RAB10: variants seen among roughly 807,000 people sequenced by gnomAD.
The protein encoded by RAB10 is ras-related protein Rab-10.
In RAB10, 5 loss-of-function variants were observed where a neutral mutation model predicts 25.7. That is an observed-to-expected ratio of 0.19 (90% CI 0.10 to 0.41). RAB10 has a LOEUF of 0.41. Ranked by LOEUF, RAB10 falls within the 10% of genes least tolerant of loss-of-function variation. The pLI is 1.00. For synonymous variants in RAB10, 89 were observed against 86.4 expected, an observed-to-expected ratio of 1.03 and a Z score of -0.16; for missense variants, 103 against 245.8, an observed-to-expected ratio of 0.42 and a Z score of 3.89.
intron 1 of RAB10, among the ~76,000 whole-genome samples, chr2:26,038,214 G>T (rs1330675405): frequency 9.2e-4 from 118 of 128,308 alleles, no homozygotes; most frequent in African/African-American, 2.8e-3. Flanking sequence ...TTTTTTTTTT[G>T]AGATGGATTT....
intron 1 of RAB10, among the ~76,000 whole-genome samples, chr2:26,083,484 C>A (rs985952881): frequency 3.8e-5 from 5 of 133,046 alleles, no homozygotes; most frequent in Non-Finnish European, 6.2e-5. Flanking sequence ...CCTGTACTTT[C>A]CTTTTGTCTC....
At chr2:26,082,798 A>G (rs776330988) in intron 1 of RAB10, among the ~76,000 whole-genome samples, 1 of 152,196 alleles carries the variant, frequency 6.6e-6, no homozygotes, top group African/African-American at 2.4e-5. Flanking sequence ...GATATGACCT[A>G]TCCCTAATGA....
At chr2:26,104,670 C>T (rs1574553986) in intron 2 of RAB10, among the ~76,000 whole-genome samples, 1 of 151,246 alleles carries the variant, frequency 6.6e-6, no homozygotes, top group Admixed American at 6.6e-5. Context: ...AAGATGACCC[C>T]TATGTTTTCT....
At chr2:26,089,069 G>A (rs1435229665) in intron 1 of RAB10, among the ~76,000 whole-genome samples, 1 of 152,148 alleles carries the variant, frequency 6.6e-6, no homozygotes, top group East Asian at 1.9e-4. Context: ...GAGAAAAACT[G>A]GAGGGAATAA....
At chr2:26,058,342 C>T (rs1188093320) in intron 1 of RAB10, among the ~76,000 whole-genome samples, 2 of 152,154 alleles carry the variant, frequency 1.3e-5, no homozygotes, top group Admixed American at 6.5e-5. Flanking sequence ...TCTTCTACTC[C>T]TCTGCTTAGA....
At chr2:26,132,651 T>G (rs1159194648) in intron 5 of RAB10, among the ~76,000 whole-genome samples, 1 of 152,206 alleles carries the variant, frequency 6.6e-6, no homozygotes, top group Non-Finnish European at 1.5e-5. Flanking sequence ...TTATTGGCCT[T>G]TTCTTATTCT....
chr2:26,039,631 G>A (rs1489975614), intron 1 of RAB10, among the ~76,000 whole-genome samples: 1 of 152,050 alleles, frequency 6.6e-6, no homozygotes, highest in African/African-American at 2.4e-5. Flanking sequence ...TTACAGACGT[G>A]AGCCACCACA....
chr2:26,099,777 C>A (rs57645880), intron 2 of RAB10, among the ~76,000 whole-genome samples: 3 of 151,942 alleles, frequency 2.0e-5, no homozygotes, highest in African/African-American at 7.2e-5. Context: ...CTCCTGACCT[C>A]GTGATCCGCC....
In RAB10 at chr2:26,131,379, A is replaced by G. The variant is rs147426798; in HGVS notation, c.519+3428A>G. ...GCTGCAGGTTGGACAAACTTGGTCTAGAGTTTTCCCCAAGTAAGCAGGCCC... is the reference window on the plus strand; with the variant it reads ...GCTGCAGGTTGGACAAACTTGGTCTGGAGTTTTCCCCAAGTAAGCAGGCCC... On this transcript the variant is annotated intron_variant, in intron 5 of 5. Transcript: ENST00000264710. Among the ~76,000 whole-genome samples the G allele has an allele frequency of 2.1e-3, 321 of 152,306 alleles. 1 individual carries two copies. Among genetic ancestry groups the G allele is most frequent in the African/African-American group, 7.6e-3 (314 of 41,566 alleles).
At chr2:26,078,799 G>C (rs1381103767) in intron 1 of RAB10, among the ~76,000 whole-genome samples, 1 of 152,106 alleles carries the variant, frequency 6.6e-6, no homozygotes, top group Admixed American at 6.5e-5. Context: ...GCAAAGATAG[G>C]AGCTGTTGAC....
intron 5 of RAB10, among the ~76,000 whole-genome samples, chr2:26,132,825 A>G (rs1249793241): frequency 6.8e-6 from 1 of 146,512 alleles, no homozygotes; most frequent in African/African-American, 2.5e-5. Context: ...AGATAAGAAA[A>G]TCAGTTGTAG....
intron 1 of RAB10, among the ~76,000 whole-genome samples, chr2:26,043,463 A>G (rs747294232): frequency 6.6e-6 from 1 of 152,172 alleles, no homozygotes; most frequent in African/African-American, 2.4e-5. Context: ...AGCTATTTGT[A>G]CACCAGCATT....
chr2:26,094,017 T>C (rs550061324), intron 1 of RAB10, among the ~76,000 whole-genome samples: 3 of 152,060 alleles, frequency 2.0e-5, no homozygotes, highest in African/African-American at 4.8e-5. Context: ...CACCACAGCC[T>C]CCCAAGTAGC....
At chr2:26,069,653 G>A (rs181629081) in intron 1 of RAB10, among the ~76,000 whole-genome samples, 137 of 151,712 alleles carry the variant, frequency 9.0e-4, no homozygotes, top group African/African-American at 3.2e-3. Context: ...GCGGCAGAGC[G>A]AGACTCTGCC....
chr2:26,087,517 C>G (rs1052975210), intron 1 of RAB10, among the ~76,000 whole-genome samples: 7 of 152,164 alleles, frequency 4.6e-5, no homozygotes, highest in African/African-American at 1.7e-4. Flanking sequence ...ATTCTCCTGC[C>G]TCAGCCTCCC....
intron 1 of RAB10, among the ~76,000 whole-genome samples, chr2:26,086,877 A>G (rs1242599717): frequency 6.6e-6 from 1 of 152,206 alleles, no homozygotes; most frequent in Non-Finnish European, 1.5e-5. Context: ...CACAAAAGCT[A>G]ACATGTTGTT....
intron 3 of RAB10, among the ~76,000 whole-genome samples, chr2:26,124,389 C>CTTTTTTTTTTTTT (rs10669615): frequency 0.013 from 262 of 19,676 alleles, 100 homozygotes; most frequent in East Asian, 0.031. Flanking sequence ...GTTGTTGTTG[C>CTTTTTTTTTTTTT]TTTTTTTTTT....
At chr2:26,087,536 G>A (rs1667013258) in intron 1 of RAB10, among the ~76,000 whole-genome samples, 1 of 152,124 alleles carries the variant, frequency 6.6e-6, no homozygotes, top group African/African-American at 2.4e-5. Flanking sequence ...CCTGGTAGCT[G>A]GGATTACAGG....
At chr2:26,088,155 G>A (rs1667026272) in intron 1 of RAB10, among the ~76,000 whole-genome samples, 1 of 152,178 alleles carries the variant, frequency 6.6e-6, no homozygotes, top group South Asian at 2.1e-4. Flanking sequence ...GGTTGGTTCT[G>A]CCTGCATTAA....
Sources: gnomAD v4.1 joint callset for allele counts (sites outside exome capture counted in the v4.1 genomes callset) on GRCh38, gnomAD v4.1.1 for gene constraint, MANE v1.5 for transcripts, NCBI Gene and HGNC (gene_info 2026-07-23, HGNC 2026-07-21) for gene names.